The following MND1 variants were observed in gnomAD, a reference collection of about 807,000 sequenced individuals.
MND1 encodes meiotic nuclear division protein 1 homolog.
MND1 carries 28 observed loss-of-function variants against 35.1 expected under a neutral mutation model. That is an observed-to-expected ratio of 0.80 (90% CI 0.59 to 1.09). MND1 has a LOEUF of 1.09. Ranked by LOEUF, MND1 falls within the 50% of genes least tolerant of loss-of-function variation. The pLI is 0.00. For missense variants in MND1, 213 were observed against 239.6 expected (o/e 0.89, Z 0.73); for synonymous variants, 69 against 70.5 (o/e 0.98, Z 0.11).
At chr4:153,367,426 GACTT>G (rs1294759004) in intron 4 of MND1, among the ~76,000 whole-genome samples, 6 of 152,152 alleles carry the variant, frequency 3.9e-5, no homozygotes, top group African/African-American at 1.4e-4. Context: ...TTTCATGACT[GACTT>G]CTTTCCCTTG....
intron 4 of MND1, among the ~76,000 whole-genome samples, chr4:153,378,818 C>A (rs1182280113): frequency 6.6e-6 from 1 of 152,146 alleles, no homozygotes; most frequent in Non-Finnish European, 1.5e-5. Flanking sequence ...TCTGAAAGAG[C>A]CCAATCCACA....
intron 4 of MND1, among the ~76,000 whole-genome samples, chr4:153,361,181 G>T (rs907867539): frequency 6.6e-6 from 1 of 152,158 alleles, no homozygotes; most frequent in African/African-American, 2.4e-5. Context: ...GAAGGAATCC[G>T]TACTGAAGGA....
At chr4:153,395,502 A>T (rs889896910) in intron 5 of MND1, among the ~76,000 whole-genome samples, 1 of 152,154 alleles carries the variant, frequency 6.6e-6, no homozygotes. Context: ...GCTCATCCTG[A>T]TCTTACCAGC....
At chr4:153,376,923 G>A (rs976682829) in intron 4 of MND1, among the ~76,000 whole-genome samples, 12 of 152,012 alleles carry the variant, frequency 7.9e-5, no homozygotes, top group Non-Finnish European at 1.3e-4. Flanking sequence ...GAAAATTAAA[G>A]GAAATAAAGG....
chr4:153,345,576 A>G lies in MND1; in HGVS notation c.3+836A>G, dbSNP rs1194534359. ...CATTTTCATAAACCTTCAAAGTTTC[A>G]TGCCGTTTTTTCTGCTTCAGTTGGC... is the stretch of plus-strand genomic sequence containing the variant. On this transcript the variant is annotated intron_variant, in intron 1 of 7. Coordinates refer to ENST00000240488, the MANE Select transcript of MND1 (RefSeq NM_032117.4). 37 of 979,666 alleles carry G rather than the reference A, an allele frequency of 3.8e-5. No homozygotes were observed. The Admixed American group carries it at 1.7e-3, about 44-fold the overall frequency. The allele number at this position is 979,666 out of a possible 1,614,324, so 60.7% of individuals were successfully genotyped here.
chr4:153,381,690 ATATTTTTTTTTTTT>A (rs1201522305), intron 4 of MND1: 826 of 27,058 alleles, frequency 0.031, 11 homozygotes, highest in South Asian at 0.055. Context: ...ATATATATAT[ATATTTTTTTTTTTT>A]TTTTTTTTTT....
intron 4 of MND1, among the ~76,000 whole-genome samples, chr4:153,371,177 C>G (rs942878060): frequency 6.6e-6 from 1 of 152,040 alleles, no homozygotes; most frequent in Non-Finnish European, 1.5e-5. Context: ...ATGCTGTCAT[C>G]TGAGCTTTGT....
chr4:153,371,913 C>T (rs1442220524), intron 4 of MND1, among the ~76,000 whole-genome samples: 1 of 151,966 alleles, frequency 6.6e-6, no homozygotes, highest in Non-Finnish European at 1.5e-5. Flanking sequence ...AGATGTGTGA[C>T]GTTTTTTCAC....
At position 153,379,116 on chromosome 4, in the gene MND1, G is replaced by A. The variant is rs566178390; in HGVS notation, c.277-15146G>A. 6.3e-4 allele frequency among the ~76,000 whole-genome samples: 96 copies of A among 151,856 alleles called. 2 individuals are homozygous for A. The South Asian group carries it at 0.012, about 19-fold the overall frequency. On this transcript the variant is annotated intron_variant, in intron 4 of 7. Coordinates refer to ENST00000240488, the MANE Select transcript of MND1 (RefSeq NM_032117.4). Reference sequence around the variant, plus strand: ...ATCCTGGCTAACACGGTGAAACCCCGTCTCTACTAAAAGTACCAAAAAAAT... The same window carrying A: ...ATCCTGGCTAACACGGTGAAACCCCATCTCTACTAAAAGTACCAAAAAAAT...
intron 4 of MND1, among the ~76,000 whole-genome samples, chr4:153,379,481 TG>T (rs1346508343): frequency 6.6e-6 from 1 of 151,946 alleles, no homozygotes; most frequent in Non-Finnish European, 1.5e-5. Flanking sequence ...AAGATGAGGA[TG>T]GCTTAAGTCC....
chr4:153,371,310 A>G (rs1448090119), intron 4 of MND1, among the ~76,000 whole-genome samples: 3 of 152,180 alleles, frequency 2.0e-5, no homozygotes, highest in Non-Finnish European at 2.9e-5. Context: ...AAGAGTGTCA[A>G]GTGTCACCCT....
chr4:153,390,881 G>GTATA (rs71598270), intron 4 of MND1, among the ~76,000 whole-genome samples: 3 of 137,492 alleles, frequency 2.2e-5, no homozygotes, highest in African/African-American at 9.1e-5. Flanking sequence ...AAAAAAAAAG[G>GTATA]TATATATATG....
chr4:153,357,427 G>T (rs1452897027), intron 3 of MND1, among the ~76,000 whole-genome samples: 3 of 152,148 alleles, frequency 2.0e-5, no homozygotes, highest in African/African-American at 7.2e-5. Context: ...TGTAATTTTT[G>T]ACTCCCCCAA....
chr4:153,399,818 G>A (rs1054551922), intron 6 of MND1, among the ~76,000 whole-genome samples: 4 of 150,050 alleles, frequency 2.7e-5, no homozygotes, highest in Admixed American at 6.7e-5. Flanking sequence ...TTGTGAATGA[G>A]TATTATGAGT....
At chr4:153,386,634 T>A (rs1163982510) in intron 4 of MND1, among the ~76,000 whole-genome samples, 1 of 152,140 alleles carries the variant, frequency 6.6e-6, no homozygotes, top group Non-Finnish European at 1.5e-5. Flanking sequence ...GAGAACCACT[T>A]GAACCCGGGA....
intron 6 of MND1, among the ~76,000 whole-genome samples, chr4:153,405,827 C>T (rs1047857434): frequency 5.9e-5 from 9 of 151,974 alleles, no homozygotes; most frequent in Admixed American, 2.0e-4. Flanking sequence ...TTTTTTGAGA[C>T]GGAGTCTCAC....
At chr4:153,365,547 A>G (rs1333570126) in intron 4 of MND1, among the ~76,000 whole-genome samples, 1 of 152,048 alleles carries the variant, frequency 6.6e-6, no homozygotes, top group African/African-American at 2.4e-5. Context: ...TATTTATTTT[A>G]TATTTTTTAT....
At chr4:153,345,665 T>C (rs1300584033) in intron 1 of MND1, among the ~76,000 whole-genome samples, 1 of 152,236 alleles carries the variant, frequency 6.6e-6, no homozygotes, top group Non-Finnish European at 1.5e-5. Flanking sequence ...TACGTGGCCG[T>C]TAAATGTTGC....
At chr4:153,386,997 C>A (rs77820982) in intron 4 of MND1, among the ~76,000 whole-genome samples, 1 of 152,022 alleles carries the variant, frequency 6.6e-6, no homozygotes, top group Admixed American at 6.6e-5. Context: ...TCTTTTAAAA[C>A]GAGAATGCTC....
Sources: gnomAD v4.1 joint callset for allele counts (sites outside exome capture counted in the v4.1 genomes callset) on GRCh38, gnomAD v4.1.1 for gene constraint, MANE v1.5 for transcripts, NCBI Gene and HGNC (gene_info 2026-07-23, HGNC 2026-07-21) for gene names.